The following PTPRD variants were observed in gnomAD, a reference collection of about 807,000 sequenced individuals.
The protein encoded by PTPRD is receptor-type tyrosine-protein phosphatase delta.
PTPRD carries 34 observed loss-of-function variants against 214.5 expected under a neutral mutation model. That is an observed-to-expected ratio of 0.16 (90% CI 0.12 to 0.21). The LOEUF is 0.21. Among genes scored for constraint, PTPRD ranks in the 10% least tolerant of loss-of-function variants. PTPRD has a pLI of 1.00. For missense variants in PTPRD, 2,545 were observed against 2,398.7 expected (o/e 1.06, Z -1.27); for synonymous variants, 1,128 against 845.7 (o/e 1.33, Z -5.79).
chr9:10,366,188 G>A (rs943462839), intron 2 of PTPRD, among the ~76,000 whole-genome samples: 38 of 152,166 alleles, frequency 2.5e-4, no homozygotes, highest in African/African-American at 8.9e-4. Context: ...TGCGATGTAT[G>A]CTTCCCTATG....
intron 11 of PTPRD, among the ~76,000 whole-genome samples, chr9:8,902,643 C>T (rs1027485116): frequency 1.3e-5 from 2 of 151,980 alleles, no homozygotes; most frequent in Non-Finnish European, 2.9e-5. Context: ...CCACGCCCAG[C>T]CTGGAATCTG....
intron 8 of PTPRD, among the ~76,000 whole-genome samples, chr9:9,525,509 A>C (rs1285105799): frequency 2.0e-5 from 3 of 152,194 alleles, no homozygotes; most frequent in Non-Finnish European, 4.4e-5. Context: ...CCATAAAGAA[A>C]AATTTGTGTT....
intron 2 of PTPRD, among the ~76,000 whole-genome samples, chr9:10,512,784 C>T (rs1284465487): frequency 6.6e-6 from 1 of 151,936 alleles, no homozygotes; most frequent in Non-Finnish European, 1.5e-5. Context: ...ACATTAAGGA[C>T]CAACCTAAGG....
At chr9:9,201,487 G>A (rs2099941800) in intron 9 of PTPRD, among the ~76,000 whole-genome samples, 1 of 151,994 alleles carries the variant, frequency 6.6e-6, no homozygotes, top group Non-Finnish European at 1.5e-5. Context: ...TAACTAGTAT[G>A]TCTTTAATAA....
At chr9:10,294,137 T>G (rs2154402088) in intron 3 of PTPRD, among the ~76,000 whole-genome samples, 1 of 152,090 alleles carries the variant, frequency 6.6e-6, no homozygotes, top group East Asian at 1.9e-4. Flanking sequence ...CAATATCTCA[T>G]TTTTATATTG....
intron 12 of PTPRD, among the ~76,000 whole-genome samples, chr9:8,641,801 T>C (rs1420554084): frequency 6.6e-6 from 1 of 152,206 alleles, no homozygotes; most frequent in Non-Finnish European, 1.5e-5. Flanking sequence ...GATTGTTTCT[T>C]AAAGTCTAAC....
At chr9:10,087,527 G>A (rs1026450033) in intron 3 of PTPRD, among the ~76,000 whole-genome samples, 1 of 151,612 alleles carries the variant, frequency 6.6e-6, no homozygotes, top group African/African-American at 2.4e-5. Flanking sequence ...CCCGAGCAAA[G>A]TGTTCTCAGG....
chr9:9,171,312 G>T (rs1318843047), intron 10 of PTPRD, among the ~76,000 whole-genome samples: 1 of 150,964 alleles, frequency 6.6e-6, no homozygotes, highest in African/African-American at 2.4e-5. Flanking sequence ...ACTGGTATGG[G>T]ATGGAGTATT....
At chr9:9,122,871 G>A (rs140956089) in intron 10 of PTPRD, among the ~76,000 whole-genome samples, 10 of 152,234 alleles carry the variant, frequency 6.6e-5, no homozygotes, top group Non-Finnish European at 1.3e-4. Context: ...TTCCAGTGAT[G>A]ATTAAAAATA....
intron 13 of PTPRD, among the ~76,000 whole-genome samples, chr9:8,636,134 T>C (rs914870476): frequency 2.6e-5 from 4 of 152,208 alleles, no homozygotes; most frequent in African/African-American, 9.7e-5. Context: ...AGTGGACCAC[T>C]TCATTTGCTG....
In PTPRD at chr9:8,789,292, G is replaced by C. The variant is rs866185069; in HGVS notation, c.-103-55346C>G. 3.3e-5 allele frequency among the ~76,000 whole-genome samples: 5 copies of C among 152,150 alleles called. No individual in the cohort carries two copies. In the South Asian group the frequency reaches 8.3e-4, roughly 25 times the overall value. On this transcript the variant is annotated intron_variant, in intron 11 of 45. Coordinates refer to ENST00000381196, the MANE Select transcript of PTPRD (RefSeq NM_002839.4). ...CAGCAGAAGCCACCATAGCTGATTG[G>C]CACAGAGGTGGTTGTCTGACCCAAA...
At chr9:10,198,439 T>G (rs1028349758) in intron 3 of PTPRD, among the ~76,000 whole-genome samples, 3 of 151,942 alleles carry the variant, frequency 2.0e-5, no homozygotes, top group Non-Finnish European at 4.4e-5. Context: ...CAGTAACAAA[T>G]GGAGTACAGT....
chr9:8,505,952 G>A (rs2097535768), intron 22 of PTPRD, among the ~76,000 whole-genome samples: 1 of 152,134 alleles, frequency 6.6e-6, no homozygotes. Flanking sequence ...AATAGCTCAA[G>A]TTGTACCATG....
At chr9:10,249,294 G>T (rs10958972) in intron 3 of PTPRD, among the ~76,000 whole-genome samples, 82,261 of 152,026 alleles carry the variant, frequency 0.54, 24,506 homozygotes, top group Non-Finnish European at 0.68. Flanking sequence ...GTTGTGGTCA[G>T]CATGCTCTCC....
chr9:10,556,933 G>A (rs138650874), intron 2 of PTPRD, among the ~76,000 whole-genome samples: 1 of 151,978 alleles, frequency 6.6e-6, no homozygotes, highest in African/African-American at 2.4e-5. Context: ...AAAGAAAACG[G>A]GTAAGTACAA....
At chr9:9,617,824 G>C (rs910568481) in intron 7 of PTPRD, among the ~76,000 whole-genome samples, 2 of 151,758 alleles carry the variant, frequency 1.3e-5, no homozygotes, top group East Asian at 3.9e-4. Flanking sequence ...TGTAATCCCA[G>C]CACTTTGGGA....
chr9:9,668,247 C>T (rs1246125683), intron 7 of PTPRD, among the ~76,000 whole-genome samples: 1 of 152,120 alleles, frequency 6.6e-6, no homozygotes, highest in East Asian at 1.9e-4. Flanking sequence ...CCCCCTTATG[C>T]AACACTATTG....
chr9:8,858,766 G>A (rs1037375123), intron 11 of PTPRD, among the ~76,000 whole-genome samples: 5 of 150,264 alleles, frequency 3.3e-5, no homozygotes, highest in Non-Finnish European at 7.4e-5. Context: ...GATAAAGGAG[G>A]GGCAGGCAGG....
intron 9 of PTPRD, among the ~76,000 whole-genome samples, chr9:9,223,578 T>C (rs1175377366): frequency 4.6e-5 from 7 of 151,838 alleles, no homozygotes. Context: ...GCCTTCATTA[T>C]TTTTTTTAAA....
Sources: gnomAD v4.1 joint callset for allele counts (sites outside exome capture counted in the v4.1 genomes callset) on GRCh38, gnomAD v4.1.1 for gene constraint, MANE v1.5 for transcripts, NCBI Gene and HGNC (gene_info 2026-07-23, HGNC 2026-07-21) for gene names.